Variants in CNTN4 observed in about 807,000 individuals in gnomAD.
CNTN4 encodes the protein contactin-4.
In CNTN4, 77 loss-of-function variants were observed where a neutral mutation model predicts 122.5. The observed-to-expected ratio is 0.63, with a 90% CI of 0.52 to 0.76. CNTN4 has a LOEUF of 0.76. CNTN4 is among the 30% of genes least tolerant of loss of function. CNTN4 has a pLI of 0.00. For synonymous variants in CNTN4, 512 were observed against 447.0 expected, an observed-to-expected ratio of 1.15 and a Z score of -1.83; for missense variants, 1,256 against 1,259.1, an observed-to-expected ratio of 1.00 and a Z score of 0.04.
At chr3:2,630,465 T>C (rs1035371156) in intron 4 of CNTN4, among the ~76,000 whole-genome samples, 1 of 152,136 alleles carries the variant, frequency 6.6e-6, no homozygotes. Flanking sequence ...GCCTAAAATA[T>C]TTACAATCTG....
At chr3:2,860,686 A>C (rs1211155474) in intron 7 of CNTN4, among the ~76,000 whole-genome samples, 2 of 152,154 alleles carry the variant, frequency 1.3e-5, no homozygotes, top group Admixed American at 1.3e-4. Flanking sequence ...AGCATTGTTC[A>C]CTGGATGACA....
chr3:2,266,207 A>G (rs1290120967), intron 2 of CNTN4, among the ~76,000 whole-genome samples: 1 of 152,068 alleles, frequency 6.6e-6, no homozygotes, highest in Non-Finnish European at 1.5e-5. Flanking sequence ...AGTTTGTCAT[A>G]TATGACCTTA....
At chr3:2,131,811 G>T (rs551577304) in intron 2 of CNTN4, among the ~76,000 whole-genome samples, 1 of 152,142 alleles carries the variant, frequency 6.6e-6, no homozygotes, top group African/African-American at 2.4e-5. Flanking sequence ...TCCTGTGGCA[G>T]TTCAGACACT....
At chr3:2,942,929 A>C (rs1016182325) in intron 13 of CNTN4, among the ~76,000 whole-genome samples, 7 of 152,150 alleles carry the variant, frequency 4.6e-5, no homozygotes, top group Non-Finnish European at 7.3e-5. Flanking sequence ...AAGTGGATGT[A>C]AGACTTTATT....
intron 4 of CNTN4, among the ~76,000 whole-genome samples, chr3:2,672,115 G>A (rs1004177042): frequency 6.6e-6 from 1 of 152,196 alleles, no homozygotes; most frequent in Admixed American, 6.5e-5. Flanking sequence ...GCTGCGTGCT[G>A]GGAGAACCAC....
At chr3:2,643,489 C>T (rs190898407) in intron 4 of CNTN4, among the ~76,000 whole-genome samples, 5 of 152,166 alleles carry the variant, frequency 3.3e-5, no homozygotes, top group Admixed American at 2.0e-4. Flanking sequence ...TCTTATTGAA[C>T]GACGTTCACT....
intron 3 of CNTN4, among the ~76,000 whole-genome samples, chr3:2,436,041 G>A (rs2048246564): frequency 6.6e-6 from 1 of 152,200 alleles, no homozygotes; most frequent in South Asian, 2.1e-4. Context: ...GTTGAGTGAA[G>A]TTGAATTGAA....
chr3:3,030,100 A>C (rs986020681), intron 15 of CNTN4, among the ~76,000 whole-genome samples: 3 of 152,178 alleles, frequency 2.0e-5, no homozygotes, highest in African/African-American at 4.8e-5. Flanking sequence ...TAACAGGGCT[A>C]TGAACCAAAC....
rs140405062 is a variant in CNTN4, at chr3:2,539,928, G to C, written c.-88-31488G>C. Among the ~76,000 whole-genome samples, 163 of 152,094 alleles carry C rather than the reference G, an allele frequency of 1.1e-3. 1 individual carries two copies. Among genetic ancestry groups the C allele is most frequent in the African/African-American group, 3.7e-3 (152 of 41,518 alleles). On this transcript the variant is annotated intron_variant, in intron 3 of 24. Transcript: ENST00000418658. Reference sequence around the variant, plus strand: ...CTCTTGCAGTGTTAGATCTAGGAGGGAACTCAAGAGTTATTCCAATTTTTT... The same window carrying C: ...CTCTTGCAGTGTTAGATCTAGGAGGCAACTCAAGAGTTATTCCAATTTTTT...
At chr3:2,912,391 G>A (rs2094310083) in intron 12 of CNTN4, among the ~76,000 whole-genome samples, 1 of 152,152 alleles carries the variant, frequency 6.6e-6, no homozygotes, top group African/African-American at 2.4e-5. Flanking sequence ...AACAAAAGCT[G>A]AATGAGTTTA....
intron 7 of CNTN4, among the ~76,000 whole-genome samples, chr3:2,827,298 C>T (rs913729287): frequency 6.6e-6 from 1 of 152,170 alleles, no homozygotes; most frequent in Non-Finnish European, 1.5e-5. Context: ...ATAATGCCAA[C>T]CAAATTGAAT....
intron 13 of CNTN4, among the ~76,000 whole-genome samples, chr3:2,975,868 T>C (rs754598327): frequency 6.6e-6 from 1 of 152,206 alleles, no homozygotes; most frequent in Non-Finnish European, 1.5e-5. Flanking sequence ...ATTACTTTCC[T>C]GTCCTTACCC....
chr3:2,508,255 G>A (rs2076789635), intron 3 of CNTN4, among the ~76,000 whole-genome samples: 1 of 152,124 alleles, frequency 6.6e-6, no homozygotes, highest in South Asian at 2.1e-4. Context: ...AGGTGCCCTG[G>A]GCAGCAATTT....
At chr3:2,301,618 A>G (rs1172877383) in intron 2 of CNTN4, among the ~76,000 whole-genome samples, 4 of 152,212 alleles carry the variant, frequency 2.6e-5, no homozygotes, top group African/African-American at 9.6e-5. Context: ...AAATTTGATT[A>G]TCAGCCTTGA....
At chr3:2,400,372 G>T (rs2046795222) in intron 3 of CNTN4, among the ~76,000 whole-genome samples, 1 of 141,346 alleles carries the variant, frequency 7.1e-6, no homozygotes, top group African/African-American at 2.5e-5. Flanking sequence ...GTGTATGTGT[G>T]TGTATATGTG....
chr3:2,586,338 G>A (rs2080203057), intron 4 of CNTN4, among the ~76,000 whole-genome samples: 1 of 152,180 alleles, frequency 6.6e-6, no homozygotes, highest in African/African-American at 2.4e-5. Flanking sequence ...TATTGCCCAG[G>A]CTGGGGTAAA....
intron 6 of CNTN4, among the ~76,000 whole-genome samples, chr3:2,789,139 A>G (rs193070842): frequency 5.8e-4 from 88 of 152,300 alleles, no homozygotes; most frequent in African/African-American, 2.0e-3. Context: ...TTGCCTGACC[A>G]TTCAAAATAA....
chr3:3,031,068 T>TG (rs1699120651), intron 16 of CNTN4, 93 bp downstream of exon 16: 1 of 1,535,420 alleles, frequency 6.5e-7, no homozygotes, highest in Admixed American at 1.7e-5. Flanking sequence ...TTTAGAATTA[T>TG]GGGAAAAAGT....
At chr3:2,423,065 G>A (rs756344578) in intron 3 of CNTN4, among the ~76,000 whole-genome samples, 1 of 152,168 alleles carries the variant, frequency 6.6e-6, no homozygotes, top group African/African-American at 2.4e-5. Flanking sequence ...AATGAACTTA[G>A]AATGAACTTC....
Sources: gnomAD v4.1 joint callset for allele counts (sites outside exome capture counted in the v4.1 genomes callset) on GRCh38, gnomAD v4.1.1 for gene constraint, MANE v1.5 for transcripts, NCBI Gene and HGNC (gene_info 2026-07-23, HGNC 2026-07-21) for gene names.